Variants in ABCA6 observed in about 807,000 individuals in gnomAD.
ABCA6 encodes ATP binding cassette subfamily A member 6, also known as ATP-binding cassette sub-family A member 6.
A neutral mutation model predicts 191.2 loss-of-function variants in ABCA6; 164 were observed. The ratio of observed to expected loss-of-function variants is 0.86; its 90% CI spans 0.76 to 0.98. ABCA6 has a LOEUF of 0.98. Among genes scored for constraint, ABCA6 ranks in the 50% least tolerant of loss-of-function variants. The pLI, the probability that ABCA6 is intolerant of heterozygous loss-of-function variation, is 0.00. For synonymous variants in ABCA6, 636 were observed against 647.7 expected (o/e 0.98, Z 0.27); for missense variants, 1,958 against 1,894.1 (o/e 1.03, Z -0.63).
chr17:69,112,167 T>C lies in ABCA6; in HGVS notation c.2132+16A>G. 1 of 1,581,236 alleles carries C rather than the reference T, an allele frequency of 6.3e-7. No individual in the cohort carries two copies. The highest frequency in any genetic ancestry group is 8.7e-7 in the Non-Finnish European group (1 of 1,151,860). ...ATTGCAAACACATAAATCCAATCTA[T>C]TCCCAAAGTCTTTACCTTAGGTGAT... is the stretch of plus-strand genomic sequence containing the variant. On this transcript the variant is annotated intron_variant, in intron 16 of 38. Coordinates refer to ENST00000284425, the MANE Select transcript of ABCA6 (RefSeq NM_080284.3).
intron 10 of ABCA6, 34 bp from the exon 11 acceptor site, chr17:69,117,990 C>A: frequency 6.7e-7 from 1 of 1,497,880 alleles, no homozygotes; most frequent in Non-Finnish European, 9.2e-7. Flanking sequence ...ACTTAGCCAA[C>A]ACAGAAGTGA....
In ABCA6 at chr17:69,106,408, C is replaced by T. The variant is rs537864399; in HGVS notation, c.2390-197G>A. ...AGGATTTCAAGACCAACCTGGCCAACATGGCTAAACCCTGTCTCTACTAAA... is the reference window on the plus strand; with the variant it reads ...AGGATTTCAAGACCAACCTGGCCAATATGGCTAAACCCTGTCTCTACTAAA... On this transcript the variant is annotated intron_variant, in intron 18 of 38. Transcript: ENST00000284425. Among the ~76,000 whole-genome samples, 51 of 152,152 alleles carry T rather than the reference C, an allele frequency of 3.4e-4. 1 individual carries two copies. The highest frequency in any genetic ancestry group is 3.4e-3 in the Middle Eastern group (1 of 294).
Position 69,116,188 on chromosome 17 carries a change from G to A in ABCA6, c.1496-702C>T, listed in dbSNP as rs535227218. Among the ~76,000 whole-genome samples the A allele has an allele frequency of 2.0e-3, 300 of 152,172 alleles. 2 individuals carry two copies. Among genetic ancestry groups the A allele is most frequent in the African/African-American group, 6.5e-3 (272 of 41,554 alleles). On this transcript the variant is annotated intron_variant, in intron 11 of 38. Transcript: ENST00000284425. ...ATACGGTGTTTTCCAGGGTAAGAGGGAAGTGATACTGGCTGTTGGGACTGA... is the reference window on the plus strand; with the variant it reads ...ATACGGTGTTTTCCAGGGTAAGAGGAAAGTGATACTGGCTGTTGGGACTGA...
At position 69,110,907 on chromosome 17, in the gene ABCA6, T is replaced by C. The variant is rs1568017946; in HGVS notation, c.2166A>G (p.Gln722=). 1.9e-6 allele frequency: 3 copies of C among 1,608,778 alleles called. No individual in the cohort carries two copies. The highest frequency in any genetic ancestry group is 2.5e-6 in the Non-Finnish European group (3 of 1,177,936). ...LHRNEICNPE[Q]ITSFITHHIP... ...TGTGATGAGTAATGAAGGATGTTAT[T>C]TGTTCTGGGTTACATATTTCATTCC... is the stretch of plus-strand genomic sequence containing the variant. Residue 722 remains glutamine, a synonymous_variant, in exon 17 of 39, where the codon CAA becomes CAG. Transcript: ENST00000284425.
At chr17:69,138,983 C>G (rs1391208004) in intron 2 of ABCA6, among the ~76,000 whole-genome samples, 2 of 152,038 alleles carry the variant, frequency 1.3e-5, no homozygotes, top group Non-Finnish European at 2.9e-5. Flanking sequence ...GACCTAAAAC[C>G]ATAAAAACCC....
chr17:69,113,327 C>A lies in ABCA6; in HGVS notation c.1936G>T (p.Asp646Tyr), dbSNP rs757166406. The A allele has an allele frequency of 6.3e-7, 1 of 1,592,926 alleles. No homozygotes were observed. The highest frequency in any genetic ancestry group is 2.2e-5 in the East Asian group (1 of 44,522). ...CACACTTGATCTCTGGAAAAGGGAT[C>A]CAATCCAGTAGTTGGTTCATCTAAA... ...LLLDEPTTGLDPFSRDQVWSL... is the reference protein window; with the variant it reads ...LLLDEPTTGLYPFSRDQVWSL... The change falls in exon 15 of 39, where the codon GAT becomes TAT. Residue 646 changes from aspartate to tyrosine, a missense_variant. Transcript: ENST00000284425.
intron 3 of ABCA6, 54 bp downstream of exon 3, chr17:69,137,239 TATC>T (rs1181028624): frequency 1.3e-6 from 2 of 1,497,956 alleles, no homozygotes; most frequent in East Asian, 2.3e-5. Flanking sequence ...GTAGACAACT[TATC>T]AACAGTATAT....
chr17:69,128,412 C>T (rs186151343), intron 8 of ABCA6, among the ~76,000 whole-genome samples: 10 of 150,192 alleles, frequency 6.7e-5, no homozygotes, highest in African/African-American at 1.7e-4. Context: ...TATATCTGAG[C>T]GGTAAAATCT....
At chr17:69,086,574 A>C (rs182691761) in intron 30 of ABCA6, 44 bp downstream of exon 30, 2 of 1,331,650 alleles carry the variant, frequency 1.5e-6, no homozygotes, top group Admixed American at 3.6e-5. Flanking sequence ...TTCGGTAGGT[A>C]GTTCTAAAAG....
intron 22 of ABCA6, 159 bp from the exon 23 acceptor site, chr17:69,098,186 C>T: frequency 2.1e-6 from 1 of 472,658 alleles, no homozygotes; most frequent in Non-Finnish European, 3.6e-6. Context: ...TGACTCTGAT[C>T]TTCAACTCAA....
rs755397102 is a variant in ABCA6, at chr17:69,140,650, C to A, written c.54G>T (p.Lys18Asn). The change falls in exon 2 of 39, where the codon AAG (lysine) becomes AAT (asparagine). Residue 18 changes from lysine to asparagine, a missense_variant. Lys to Asn is a moderately conservative substitution (Grantham distance 94). Coordinates refer to ENST00000284425, the MANE Select transcript of ABCA6 (RefSeq NM_080284.3). Reference protein sequence around the residue: ...VYQQTKALLCKNFLKKWRMKR... With the variant: ...VYQQTKALLCNNFLKKWRMKR... ...TCATCCTCCATTTCTTAAGAAAATT[C>A]TTGCACAGAAGTGCTTTGGTTTGCT... 4 of 1,600,456 alleles carry A rather than the reference C, an allele frequency of 2.5e-6. No individual in the cohort carries two copies. Among genetic ancestry groups the A allele is most frequent in the Non-Finnish European group, 3.4e-6 (4 of 1,174,022 alleles).
In ABCA6 at chr17:69,129,725, C is replaced by A. The variant is rs1402666197; in HGVS notation, c.818G>T (p.Gly273Val). ...FWLSWGLIYA[G>V]FIFIISIFVT... ...GAATATGGAAATAATAAAGATGAAG[C>A]CAGCATAGATTAGACCCCAGGAGAG... The change falls in exon 7 of 39, where the codon GGC becomes GTC. Residue 273 changes from glycine to valine, a missense_variant. Physicochemically the swap from Gly to Val is moderately radical, Grantham distance 109 (BLOSUM62 -3). Coordinates refer to ENST00000284425, the MANE Select transcript of ABCA6 (RefSeq NM_080284.3). 1.2e-6 allele frequency: 2 copies of A among 1,602,466 alleles called. No homozygotes were observed. Among genetic ancestry groups the A allele is most frequent in the Non-Finnish European group, 8.5e-7 (1 of 1,172,524 alleles).
chr17:69,091,395 G>T, intron 25 of ABCA6, 133 bp from the exon 26 acceptor site: 1 of 922,252 alleles, frequency 1.1e-6, no homozygotes, highest in South Asian at 1.8e-5. Context: ...ATTTGACAAT[G>T]ATAGTTTCTC....
At chr17:69,123,195 C>A in intron 10 of ABCA6, 44 bp downstream of exon 10, 1 of 1,247,094 alleles carries the variant, frequency 8.0e-7, no homozygotes, top group South Asian at 2.6e-5. Flanking sequence ...AATAATTCTT[C>A]AGCCTTGTGC....
chr17:69,096,714 T>C lies in ABCA6; in HGVS notation c.3208A>G (p.Ile1070Val). ...GQALVDVSFF[I>V]LILLLMYLIF... ...AAATACATTAAAAGGAGAATTAAAA[T>C]GAAGAAGCTGACGTCCACTAGTGCC... is the stretch of plus-strand genomic sequence containing the variant. Residue 1070 changes from isoleucine (I) to valine (V), a missense_variant, in exon 24 of 39, where the codon ATT becomes GTT. Physicochemically the swap from Ile to Val is conservative, Grantham distance 29. Transcript: ENST00000284425. 1.3e-6 allele frequency: 2 copies of C among 1,590,260 alleles called. No individual in the cohort carries two copies. The highest frequency in any genetic ancestry group is 2.3e-5 in the East Asian group (1 of 44,056).
intron 4 of ABCA6, among the ~76,000 whole-genome samples, chr17:69,134,996 C>A (rs1000664171): frequency 2.7e-5 from 4 of 148,320 alleles, no homozygotes; most frequent in Non-Finnish European, 1.5e-5. Flanking sequence ...GATTCTCCTA[C>A]CTCAGCCTCC....
chr17:69,094,873 T>A (rs1334618544), intron 25 of ABCA6: 1 of 152,468 alleles, frequency 6.6e-6, no homozygotes, highest in Non-Finnish European at 1.5e-5. Flanking sequence ...TACTTAGGAC[T>A]GAAGGACAAG....
chr17:69,100,020 G>C (rs2144644242), intron 22 of ABCA6, among the ~76,000 whole-genome samples: 1 of 152,254 alleles, frequency 6.6e-6, no homozygotes, highest in Non-Finnish European at 1.5e-5. Flanking sequence ...CACCCCTGTT[G>C]GTATCAGGCA....
intron 34 of ABCA6, among the ~76,000 whole-genome samples, chr17:69,083,687 T>C (rs2072698264): frequency 6.6e-6 from 1 of 152,226 alleles, no homozygotes; most frequent in Non-Finnish European, 1.5e-5. Flanking sequence ...ATGGGAATAA[T>C]GGATTCATAA....
Sources: gnomAD v4.1 joint callset for allele counts (sites outside exome capture counted in the v4.1 genomes callset) on GRCh38, gnomAD v4.1.1 for gene constraint, MANE v1.5 for transcripts, NCBI Gene and HGNC (gene_info 2026-07-23, HGNC 2026-07-21) for gene names.